The following VPS53 variants were observed in gnomAD, a reference collection of about 807,000 sequenced individuals.
The protein encoded by VPS53 is VPS53 subunit of GARP complex, also known as vacuolar protein sorting-associated protein 53 homolog.
In VPS53, 70 loss-of-function variants were observed where a neutral mutation model predicts 107.0. The ratio of observed to expected loss-of-function variants is 0.65; its 90% CI spans 0.54 to 0.80. The LOEUF (loss-of-function observed/expected upper bound fraction) is 0.80. Ranked by LOEUF, VPS53 falls within the 30% of genes least tolerant of loss-of-function variation. The pLI is 0.00. For synonymous variants in VPS53, 409 were observed against 393.3 expected, an observed-to-expected ratio of 1.04 and a Z score of -0.47; for missense variants, 917 against 1,049.4, an observed-to-expected ratio of 0.87 and a Z score of 1.74.
intron 18 of VPS53, 59 bp downstream of exon 18, chr17:536,969 A>C (rs1910127514): frequency 8.8e-6 from 14 of 1,594,970 alleles, no homozygotes; most frequent in Middle Eastern, 1.7e-4. Flanking sequence ...AACTGTTCTA[A>C]AACATAAAGT....
chr17:579,222 T>A (rs1436377557), intron 13 of VPS53, among the ~76,000 whole-genome samples: 1 of 149,094 alleles, frequency 6.7e-6, no homozygotes, highest in African/African-American at 2.5e-5. Flanking sequence ...AGAACCTCCC[T>A]CAGAACCTAA....
chr17:679,245 G>A lies in VPS53; in HGVS notation c.286-17350C>T, dbSNP rs183511199. 9.5e-4 allele frequency among the ~76,000 whole-genome samples: 145 copies of A among 152,192 alleles called. 2 individuals are homozygous for A. Among genetic ancestry groups the A allele is most frequent in the African/African-American group, 3.4e-3 (142 of 41,546 alleles). Reference sequence around the variant, plus strand: ...AGAATGAAAAGAGAGGCCAGATGCGGTGGCTCACACCTGTCATCCCAGCAC... The same window carrying A: ...AGAATGAAAAGAGAGGCCAGATGCGATGGCTCACACCTGTCATCCCAGCAC... On this transcript the variant is annotated intron_variant, in intron 4 of 21. Transcript: ENST00000437048.
chr17:701,215 A>G (rs959178236), intron 2 of VPS53, among the ~76,000 whole-genome samples: 1 of 151,774 alleles, frequency 6.6e-6, no homozygotes, highest in Non-Finnish European at 1.5e-5. Context: ...AGTCCCAGGT[A>G]CTCAGGAGGC....
chr17:579,059 C>T (rs970515925), intron 13 of VPS53, among the ~76,000 whole-genome samples: 2 of 151,594 alleles, frequency 1.3e-5, no homozygotes, highest in Non-Finnish European at 2.9e-5. Context: ...AGAGAACCTC[C>T]CTCAGAACCT....
intron 12 of VPS53, 50 bp downstream of exon 12, chr17:601,745 C>T: frequency 3.5e-6 from 5 of 1,447,338 alleles, no homozygotes; most frequent in Non-Finnish European, 4.7e-6. Context: ...GACCGATTTT[C>T]AGAAACGCAC....
rs1914844526 is a variant in VPS53, at chr17:578,463, T to C, written c.1313+7807A>G. 1.3e-5 allele frequency among the ~76,000 whole-genome samples: 2 copies of C among 150,386 alleles called. 1 individual carries two copies. Among genetic ancestry groups the C allele is most frequent in the South Asian group, 4.2e-4 (2 of 4,768 alleles). On this transcript the variant is annotated intron_variant, in intron 13 of 21. Coordinates refer to ENST00000437048, the MANE Select transcript of VPS53 (RefSeq NM_001128159.3). ...ACAACTTCCCTCAGAACCTAATTCC[T>C]TCCCAGAGAACCTCTCTCAGAACCT...
rs74608091 is a variant in VPS53, at chr17:650,281, GC to G, written c.608+3009del. On this transcript the variant is annotated intron_variant, in intron 7 of 21. Transcript: ENST00000437048. ...AGGATGAGGCAGGAGGATCACTTGAGCCCAGGAGTTGAAGACCAACCTGGGC... is the reference window on the plus strand; with the variant it reads ...AGGATGAGGCAGGAGGATCACTTGAGCCAGGAGTTGAAGACCAACCTGGGC... Among the ~76,000 whole-genome samples the G allele has an allele frequency of 2.2e-3, 338 of 152,234 alleles. 9 individuals carry two copies. The East Asian group carries it at 0.055, about 25-fold the overall frequency.
At chr17:532,574 A>C in intron 19 of VPS53, 2 of 700,100 alleles carry the variant, frequency 2.9e-6, no homozygotes, top group Non-Finnish European at 2.0e-6. Flanking sequence ...ACTTCTTCTT[A>C]TTGGAGTGTG....
At chr17:712,730 A>G (rs769997240) in intron 1 of VPS53, among the ~76,000 whole-genome samples, 2 of 152,204 alleles carry the variant, frequency 1.3e-5, no homozygotes, top group Non-Finnish European at 2.9e-5. Flanking sequence ...GAAAAATGTC[A>G]GAATTCACCG....
chr17:593,386 A>G (rs957062504), intron 12 of VPS53, among the ~76,000 whole-genome samples: 1 of 152,228 alleles, frequency 6.6e-6, no homozygotes, highest in African/African-American at 2.4e-5. Context: ...ACAAAATGGG[A>G]GAAAATTTTC....
At chr17:653,874 C>T (rs144484387) in intron 6 of VPS53, among the ~76,000 whole-genome samples, 38 of 152,292 alleles carry the variant, frequency 2.5e-4, no homozygotes, top group Admixed American at 5.9e-4. Context: ...ACAAAGGGTG[C>T]GGCCAGGCGC....
intron 15 of VPS53, among the ~76,000 whole-genome samples, chr17:554,955 C>T (rs1003891211): frequency 1.3e-5 from 2 of 152,100 alleles, no homozygotes; most frequent in African/African-American, 2.4e-5. Context: ...AATGAGAGCC[C>T]GCTTTGTTCA....
At chr17:705,707 C>G (rs1973374723) in intron 2 of VPS53, 1 of 152,034 alleles carries the variant, frequency 6.6e-6, no homozygotes, top group African/African-American at 2.4e-5. Flanking sequence ...ACCACCCCAC[C>G]CCAACCTGGT....
intron 5 of VPS53, chr17:657,593 A>G (rs2143549718): frequency 1.2e-5 from 9 of 782,058 alleles, no homozygotes; most frequent in Non-Finnish European, 2.0e-5. Flanking sequence ...TCCGGTGCAC[A>G]TAGCGAAAGT....
intron 12 of VPS53, among the ~76,000 whole-genome samples, chr17:588,108 G>A (rs573209859): frequency 6.6e-6 from 1 of 152,128 alleles, no homozygotes; most frequent in African/African-American, 2.4e-5. Flanking sequence ...ACAAGGTCAG[G>A]AGTTCAAGAC....
At chr17:592,375 A>T (rs1381963724) in intron 12 of VPS53, among the ~76,000 whole-genome samples, 2 of 152,268 alleles carry the variant, frequency 1.3e-5, no homozygotes, top group Non-Finnish European at 2.9e-5. Context: ...TAATTGGAGC[A>T]TTTAGTCCAT....
intron 4 of VPS53, among the ~76,000 whole-genome samples, chr17:684,445 C>T (rs531751548): frequency 6.6e-6 from 1 of 152,196 alleles, no homozygotes; most frequent in Non-Finnish European, 1.5e-5. Flanking sequence ...TAAGAGATAC[C>T]ATTTATAATC....
At chr17:708,440 A>G (rs1416820062) in intron 2 of VPS53, among the ~76,000 whole-genome samples, 2 of 152,226 alleles carry the variant, frequency 1.3e-5, no homozygotes, top group African/African-American at 4.8e-5. Context: ...TGCTACTGCT[A>G]TCTTCTAAGA....
intron 11 of VPS53, among the ~76,000 whole-genome samples, chr17:607,805 C>T (rs1968654814): frequency 6.6e-6 from 1 of 152,142 alleles, no homozygotes; most frequent in Non-Finnish European, 1.5e-5. Context: ...GATTAAATCA[C>T]AGGGGATTCC....
Sources: gnomAD v4.1 joint callset for allele counts (sites outside exome capture counted in the v4.1 genomes callset) on GRCh38, gnomAD v4.1.1 for gene constraint, MANE v1.5 for transcripts, NCBI Gene and HGNC (gene_info 2026-07-23, HGNC 2026-07-21) for gene names.